DCC: variants seen among roughly 807,000 people sequenced by gnomAD.
DCC encodes the protein DCC netrin 1 receptor, also known as netrin receptor DCC.
In DCC, 58 loss-of-function variants were observed where a neutral mutation model predicts 172.5. The ratio of observed to expected loss-of-function variants is 0.34; its 90% confidence interval spans 0.27 to 0.42. DCC has a LOEUF of 0.42. Ranked by LOEUF, DCC falls within the 10% of genes least tolerant of loss-of-function variation. DCC has a pLI of 1.00. For synonymous variants in DCC, 709 were observed against 644.5 expected, an observed-to-expected ratio of 1.10 and a Z score of -1.52; for missense variants, 1,740 against 1,791.0, an observed-to-expected ratio of 0.97 and a Z score of 0.51.
chr18:52,933,536 A>G (rs1005951106), intron 5 of DCC, among the ~76,000 whole-genome samples: 6 of 151,976 alleles, frequency 3.9e-5, no homozygotes, highest in Non-Finnish European at 7.4e-5. Flanking sequence ...GAATTATGTG[A>G]CTAAAGATTG....
chr18:52,437,800 A>G (rs1286809807), intron 1 of DCC, among the ~76,000 whole-genome samples: 3 of 152,176 alleles, frequency 2.0e-5, no homozygotes, highest in African/African-American at 7.2e-5. Flanking sequence ...ACCACTGTCC[A>G]CCTATATTCA....
intron 1 of DCC, among the ~76,000 whole-genome samples, chr18:52,655,976 G>GTATATATATATA (rs1237802711): frequency 1.6e-5 from 2 of 121,844 alleles, no homozygotes; most frequent in African/African-American, 6.3e-5. Context: ...GTGTGTGTGT[G>GTATATATATATA]TGTGTGTGTG....
chr18:53,376,139 C>T (rs895245508), intron 15 of DCC, among the ~76,000 whole-genome samples: 3 of 152,080 alleles, frequency 2.0e-5, no homozygotes, highest in Non-Finnish European at 4.4e-5. Context: ...TGGCTGTAAT[C>T]CCAGCACTCT....
In DCC at chr18:53,499,322, A is replaced by G. The variant is rs773654842; in HGVS notation, c.3923A>G (p.Gln1308Arg). ...GCAGTGAGTGAAGGACCAACTACCC[A>G]ACAACCACCTATGCTGCCCCCATCT... The part of the protein sequence containing the change: ...SQSVSEGPTT[Q>R]QPPMLPPSQP... Residue 1308 changes from glutamine (Q) to arginine (R), a missense_variant, in exon 27 of 29, where the codon CAA becomes CGA. Around this residue, in one of 2 missense-constraint regions of DCC, gnomAD observed 1,732 missense variants for 1,767.4 expected, o/e 0.98. Coordinates refer to ENST00000442544, the MANE Select transcript of DCC (RefSeq NM_005215.4). The G allele has an allele frequency of 1.2e-6, 2 of 1,613,990 alleles. No individual in the cohort carries two copies. Among genetic ancestry groups the G allele is most frequent in the Admixed American group, 3.3e-5 (2 of 59,984 alleles).
At chr18:52,451,198 T>TTACAGG (rs1331310394) in intron 1 of DCC, among the ~76,000 whole-genome samples, 1 of 152,138 alleles carries the variant, frequency 6.6e-6, no homozygotes, top group African/African-American at 2.4e-5. Flanking sequence ...GATGTTACAG[T>TTACAGG]ATATAGATAT....
intron 1 of DCC, among the ~76,000 whole-genome samples, chr18:52,480,206 A>T (rs1268139430): frequency 6.6e-6 from 1 of 151,718 alleles, no homozygotes; most frequent in Non-Finnish European, 1.5e-5. Context: ...CTAATATTCC[A>T]GAAAGAAAAA....
intron 1 of DCC, among the ~76,000 whole-genome samples, chr18:52,551,664 T>A (rs2032773205): frequency 6.6e-6 from 1 of 151,664 alleles, no homozygotes; most frequent in African/African-American, 2.4e-5. Context: ...ATTCATGAAA[T>A]GATAATACAG....
At chr18:53,282,211 G>A (rs1294016370) in intron 12 of DCC, among the ~76,000 whole-genome samples, 1 of 152,058 alleles carries the variant, frequency 6.6e-6, no homozygotes, top group Non-Finnish European at 1.5e-5. Context: ...TTAAAAGCAA[G>A]GCTAAAAGCA....
intron 7 of DCC, among the ~76,000 whole-genome samples, chr18:53,133,505 CAT>C (rs1408813601): frequency 6.6e-6 from 1 of 152,150 alleles, no homozygotes; most frequent in Non-Finnish European, 1.5e-5. Flanking sequence ...TAGAATCACA[CAT>C]GTGTGTTTTA....
chr18:52,880,655 C>T lies in DCC; in HGVS notation c.413-25389C>T, dbSNP rs374282270. On this transcript the variant is annotated intron_variant, in intron 2 of 28. Coordinates refer to ENST00000442544, the MANE Select transcript of DCC (RefSeq NM_005215.4). ...GAGTTATTTCACTTAACATAATGAC[C>T]TCCACCTCCATCAGTGTTGTTGAAA... Among the ~76,000 whole-genome samples the T allele has an allele frequency of 3.9e-5, 6 of 152,246 alleles. No individual in the cohort carries two copies. The East Asian group carries it at 7.7e-4, about 20-fold the overall frequency.
rs1049402299 is a variant in DCC at position 53,533,986 on chromosome 18, A to G, written c.*3333A>G. ...TGTTTGGCACTTATTGGCTTTTCCAATAAAGAATCTCTTAAGTACAGGTAT... is the reference window on the plus strand; with the variant it reads ...TGTTTGGCACTTATTGGCTTTTCCAGTAAAGAATCTCTTAAGTACAGGTAT... On this transcript the variant is annotated 3_prime_UTR_variant, in exon 29 of 29. Transcript: ENST00000442544. The G allele has an allele frequency of 1.3e-5, 2 of 152,220 alleles. No individual in the cohort carries two copies. Among genetic ancestry groups the G allele is most frequent in the Admixed American group, 1.3e-4 (2 of 15,278 alleles). The allele number at this position is 152,220 out of a possible 1,614,324, so 9.4% of individuals were successfully genotyped here. A position where few individuals can be genotyped will look rare whatever the true frequency, so the allele number is the denominator to read the frequency against.
intron 12 of DCC, among the ~76,000 whole-genome samples, chr18:53,271,555 G>T (rs2144707513): frequency 6.6e-6 from 1 of 152,250 alleles, no homozygotes; most frequent in East Asian, 1.9e-4. Flanking sequence ...CAGGTACTCT[G>T]GCTGTTGGAC....
intron 5 of DCC, among the ~76,000 whole-genome samples, chr18:53,033,152 G>A (rs2042047434): frequency 6.6e-6 from 1 of 152,090 alleles, no homozygotes; most frequent in South Asian, 2.1e-4. Flanking sequence ...GGGTGAGGCA[G>A]ACTTCAGTTG....
Position 53,347,725 on chromosome 18 carries a change from G to T in DCC, c.2359+7818G>T, listed in dbSNP as rs543789405. On this transcript the variant is annotated intron_variant, in intron 15 of 28. Transcript: ENST00000442544. ...TTAATTGGACTTACAGTTCCATGTG[G>T]CTGGGGAAGCATCACAATTATGGCA... 2.6e-5 allele frequency among the ~76,000 whole-genome samples: 4 copies of T among 152,226 alleles called. No individual in the cohort carries two copies. The East Asian group carries it at 7.8e-4, about 30-fold the overall frequency.
In DCC at chr18:53,530,568, ATGAACAGGATGATC is replaced by A; in HGVS notation, c.4263_4276del (p.Gln1422Ter). On this transcript the variant is annotated frameshift_variant, in exon 29 of 29. Coordinates refer to ENST00000442544, the MANE Select transcript of DCC (RefSeq NM_005215.4). LOFTEE classifies it high-confidence loss of function. ...TGGCTCTCATTCTCTTTATAGGTGT[ATGAACAGGATGATC>A]TGAGTGAACAAATGGCAAGTTTGGA... 1 of 1,537,838 alleles carries A rather than the reference ATGAACAGGATGATC, an allele frequency of 6.5e-7. No homozygotes were observed. The highest frequency in any genetic ancestry group is 9.0e-7 in the Non-Finnish European group (1 of 1,110,434).
chr18:53,216,492 A>G (rs922198646), intron 12 of DCC, among the ~76,000 whole-genome samples: 1 of 152,186 alleles, frequency 6.6e-6, no homozygotes, highest in Non-Finnish European at 1.5e-5. Flanking sequence ...TTTCAACCTT[A>G]GCAAACCTCT....
At chr18:53,267,798 G>A (rs980934398) in intron 12 of DCC, among the ~76,000 whole-genome samples, 1 of 152,110 alleles carries the variant, frequency 6.6e-6, no homozygotes, top group Non-Finnish European at 1.5e-5. Context: ...GAAATGGTCA[G>A]TACTTTATGT....
intron 21 of DCC, among the ~76,000 whole-genome samples, chr18:53,418,919 C>G (rs1910472273): frequency 6.6e-6 from 1 of 152,168 alleles, no homozygotes; most frequent in Admixed American, 6.5e-5. Context: ...TTAAAACTTT[C>G]TAATCTTGAC....
At chr18:53,258,957 T>A (rs1053305905) in intron 12 of DCC, among the ~76,000 whole-genome samples, 3 of 152,186 alleles carry the variant, frequency 2.0e-5, no homozygotes, top group Non-Finnish European at 4.4e-5. Flanking sequence ...CCTTTACCAT[T>A]ATGTAATGGC....
Sources: allele counts gnomAD v4.1 joint callset (sites outside exome capture counted in the v4.1 genomes callset), GRCh38; gene constraint gnomAD v4.1.1; regional missense constraint gnomAD v4.1.1; transcripts MANE v1.5; gene names NCBI Gene and HGNC (gene_info 2026-07-23, HGNC 2026-07-21).